USP9Y: variants seen among roughly 807,000 people sequenced by gnomAD.
USP9Y encodes ubiquitin carboxyl-terminal hydrolase 9Y.
A neutral mutation model predicts 53.1 loss-of-function variants in USP9Y; 41 were observed. The observed-to-expected ratio is 0.77, with a 90% CI of 0.60 to 1.00. The LOEUF is 1.00. Among genes scored for constraint, USP9Y ranks in the 50% least tolerant of loss-of-function variants. USP9Y has a pLI of 0.00. For synonymous variants in USP9Y, 220 were observed against 173.7 expected, an observed-to-expected ratio of 1.27 and a Z score of -2.09; for missense variants, 567 against 535.8, an observed-to-expected ratio of 1.06 and a Z score of -0.58.
At position 12,859,889 on chromosome Y, in the gene USP9Y, C is replaced by G; in HGVS notation, c.*473C>G. 2.8e-5 allele frequency: 1 copy of G among 35,996 alleles called. No individual in the cohort carries two copies. Among genetic ancestry groups the G allele is most frequent in the African/African-American group, 1.1e-4 (1 of 8,812 alleles). 9.0% of individuals were successfully genotyped at this position (35,996 alleles called of 400,897 possible). ...CACCAATAGTTTCTTGTTAATCCTT[C>G]TTTCCTGGATATATAAGGCTGGTGG... On this transcript the variant is annotated 3_prime_UTR_variant, in exon 46 of 46. Coordinates refer to ENST00000338981, the MANE Select transcript of USP9Y (RefSeq NM_004654.4).
In USP9Y at chrY:12,701,728, CTG is replaced by C. The variant is rs2053416096; in HGVS notation, c.-445_-444del. 1.2e-4 allele frequency: 4 copies of C among 33,569 alleles called. No homozygotes were observed. Among genetic ancestry groups the C allele is most frequent in the Admixed American group, 2.7e-4 (1 of 3,656 alleles). The allele number at this position is 33,569 out of a possible 400,897, so 8.4% of individuals were successfully genotyped here. A position where few individuals can be genotyped will look rare whatever the true frequency, so the allele number is the denominator to read the frequency against. On this transcript the variant is annotated 5_prime_UTR_variant, in exon 1 of 46. Coordinates refer to ENST00000338981, the MANE Select transcript of USP9Y (RefSeq NM_004654.4). ...GAATACTGTTTGCTGGTCTTAAAAA[CTG>C]TGGTATTTTGGTGATTCCATAAATT... is the stretch of plus-strand genomic sequence containing the variant.
chrY:12,859,984 T>C lies in USP9Y; in HGVS notation c.*568T>C. ...CATTTCTAGATACTTTTCATTACCT[T>C]TTTATTCTGGTATATAGGCTAACCA... On this transcript the variant is annotated 3_prime_UTR_variant, in exon 46 of 46. Coordinates refer to ENST00000338981, the MANE Select transcript of USP9Y (RefSeq NM_004654.4). 1 of 35,307 alleles carries C rather than the reference T, an allele frequency of 2.8e-5. No homozygotes were observed. Among genetic ancestry groups the C allele is most frequent in the Non-Finnish European group, 6.9e-5 (1 of 14,414 alleles). 8.8% of individuals were successfully genotyped at this position (35,307 alleles called of 400,897 possible). A position where few individuals can be genotyped will look rare whatever the true frequency, so the allele number is the denominator to read the frequency against.
At chrY:12,734,350 C>T in intron 7 of USP9Y, among the ~76,000 whole-genome samples, 1 of 33,753 alleles carries the variant, frequency 3.0e-5, no homozygotes, top group Non-Finnish European at 7.3e-5. Context: ...GCAAACTGTA[C>T]CTTGGTAGGA....
intron 33 of USP9Y, among the ~76,000 whole-genome samples, chrY:12,822,860 T>TTTTG (rs1487193822): frequency 5.9e-3 from 197 of 33,179 alleles, no homozygotes; most frequent in Non-Finnish European, 0.011. Flanking sequence ...TTGCATCTTT[T>TTTTG]TTTGTTTGTT....
chrY:12,797,024 C>G (rs2053513595), intron 27 of USP9Y, among the ~76,000 whole-genome samples: 2 of 33,780 alleles, frequency 5.9e-5, no homozygotes, highest in South Asian at 6.6e-4. Context: ...GGTTCAGAGG[C>G]TTCTGACAAT....
chrY:12,841,953 C>A (rs2053561528), intron 37 of USP9Y, among the ~76,000 whole-genome samples: 1 of 33,260 alleles, frequency 3.0e-5, no homozygotes, highest in Non-Finnish European at 7.4e-5. Context: ...CAACTCTTAG[C>A]ATTGCTCACG....
chrY:12,710,550 A>G (rs2053424092), intron 3 of USP9Y, among the ~76,000 whole-genome samples: 28 of 31,065 alleles, frequency 9.0e-4, no homozygotes, highest in Non-Finnish European at 1.6e-3. Context: ...TTTTGTTGAT[A>G]TTTGGATTTA....
intron 1 of USP9Y, among the ~76,000 whole-genome samples, chrY:12,707,234 T>C (rs2053420164): frequency 3.0e-5 from 1 of 33,622 alleles, no homozygotes; most frequent in Non-Finnish European, 7.4e-5. Context: ...TTCTTCTTCC[T>C]CAGCCTCCCA....
At chrY:12,717,961 C>A (rs2053432412) in intron 3 of USP9Y, among the ~76,000 whole-genome samples, 2 of 32,672 alleles carry the variant, frequency 6.1e-5, no homozygotes, top group Admixed American at 2.8e-4. Context: ...TCTTTGGAGG[C>A]CACCATTAGG....
intron 3 of USP9Y, among the ~76,000 whole-genome samples, chrY:12,712,892 C>G: frequency 3.0e-5 from 1 of 33,302 alleles, no homozygotes; most frequent in African/African-American, 1.2e-4. Flanking sequence ...CGTAAGTCCA[C>G]TTTCCAAAGT....
At chrY:12,754,197 T>C in intron 12 of USP9Y, among the ~76,000 whole-genome samples, 1 of 29,181 alleles carries the variant, frequency 3.4e-5, no homozygotes, top group East Asian at 8.4e-4. Flanking sequence ...TATATAGATA[T>C]ACATGTTGCG....
At chrY:12,820,293 A>G in intron 33 of USP9Y, among the ~76,000 whole-genome samples, 2 of 33,512 alleles carry the variant, frequency 6.0e-5, no homozygotes, top group African/African-American at 2.3e-4. Context: ...GCTGCCCCTC[A>G]TAAGAATTTA....
At chrY:12,845,245 T>C in intron 39 of USP9Y, among the ~76,000 whole-genome samples, 2 of 33,059 alleles carry the variant, frequency 6.0e-5, no homozygotes, top group African/African-American at 2.4e-4. Flanking sequence ...TAGAAAAAAA[T>C]TGCGGCTGCT....
At chrY:12,748,150 A>G (rs2053461853) in intron 12 of USP9Y, among the ~76,000 whole-genome samples, 1 of 31,678 alleles carries the variant, frequency 3.2e-5, no homozygotes, top group Non-Finnish European at 7.8e-5. Context: ...CCATGCATCA[A>G]AAAAAAAAAA....
At chrY:12,740,386 T>C (rs2053456448) in intron 12 of USP9Y, among the ~76,000 whole-genome samples, 1 of 33,676 alleles carries the variant, frequency 3.0e-5, no homozygotes, top group Admixed American at 2.7e-4. Flanking sequence ...TAAATGTCTA[T>C]ATATTATGAA....
At chrY:12,852,338 A>G (rs946424750) in intron 42 of USP9Y, among the ~76,000 whole-genome samples, 9 of 33,172 alleles carry the variant, frequency 2.7e-4, no homozygotes, top group Admixed American at 1.9e-3. Context: ...CACGTGTCCC[A>G]AAGTTCTCGT....
Position 12,705,210 on chromosome Y carries a change from T to G in USP9Y, c.-121+3155T>G, listed in dbSNP as rs958023660. Among the ~76,000 whole-genome samples the G allele has an allele frequency of 6.2e-4, 21 of 33,935 alleles. No homozygotes were observed. In the South Asian group the frequency reaches 0.013, roughly 22 times the overall value. 91.0% of individuals were successfully genotyped at this position (33,935 alleles called of 37,273 possible). On this transcript the variant is annotated intron_variant, in intron 1 of 45. Coordinates refer to ENST00000338981, the MANE Select transcript of USP9Y (RefSeq NM_004654.4). ...ATTTTCTAATTGTCATTTTAATGTTTTCTGACCCATTGGCTCAGAATGTTT... is the reference window on the plus strand; with the variant it reads ...ATTTTCTAATTGTCATTTTAATGTTGTCTGACCCATTGGCTCAGAATGTTT...
intron 12 of USP9Y, among the ~76,000 whole-genome samples, chrY:12,750,696 T>A: frequency 3.0e-5 from 1 of 33,753 alleles, no homozygotes; most frequent in South Asian, 6.4e-4. Context: ...TTTTTGTATG[T>A]TCAGCCAGGT....
intron 7 of USP9Y, among the ~76,000 whole-genome samples, chrY:12,731,112 G>T: frequency 3.1e-5 from 1 of 32,280 alleles, no homozygotes; most frequent in Non-Finnish European, 7.6e-5. Flanking sequence ...ATTACATAGG[G>T]GCATACCTTG....
Sources: allele counts gnomAD v4.1 joint callset (sites outside exome capture counted in the v4.1 genomes callset), GRCh38; gene constraint gnomAD v4.1.1; transcripts MANE v1.5; gene names NCBI Gene and HGNC (gene_info 2026-07-23, HGNC 2026-07-21).